Variants in ACOXL observed in about 807,000 individuals in gnomAD.
The protein encoded by ACOXL is acyl-coenzyme A oxidase-like protein.
ACOXL carries 70 observed loss-of-function variants against 71.9 expected under a neutral mutation model. The observed-to-expected ratio is 0.97, with a 90% CI of 0.80 to 1.19. ACOXL has a LOEUF of 1.19. Among genes scored for constraint, ACOXL ranks in the 50% most tolerant of loss-of-function variants. The pLI, the probability that ACOXL is intolerant of heterozygous loss-of-function variation, is 0.00. For synonymous variants in ACOXL, 253 were observed against 281.6 expected, an observed-to-expected ratio of 0.90 and a Z score of 1.02; for missense variants, 703 against 736.3, an observed-to-expected ratio of 0.95 and a Z score of 0.52.
chr2:110,786,780 T>G (rs1684012378), intron 3 of ACOXL, among the ~76,000 whole-genome samples: 1 of 152,182 alleles, frequency 6.6e-6, no homozygotes, highest in South Asian at 2.1e-4. Context: ...AAAGCAGACT[T>G]AAGAAGCATT....
Position 110,908,800 on chromosome 2 carries a change from T to C in ACOXL, c.800T>C (p.Phe267Ser), listed in dbSNP as rs762137495. 3 of 1,613,894 alleles carry C rather than the reference T, an allele frequency of 1.9e-6. No individual in the cohort carries two copies. The highest frequency in any genetic ancestry group is 2.7e-5 in the African/African-American group (2 of 74,914). Residue 267 changes from phenylalanine to serine, a missense_variant, in exon 11 of 18, where the codon TTT becomes TCT. Transcript: ENST00000439055. Reference sequence around the variant, plus strand: ...TTGATTCCCTCTAGCCGGAGGCAGTTTGGGCCCAAAACCAAGGAAGAGGTG... The same window carrying C: ...TTGATTCCCTCTAGCCGGAGGCAGTCTGGGCCCAAAACCAAGGAAGAGGTG... ...AIRYSHSRRQ[F>S]GPKTKEEVKI...
At chr2:110,869,175 T>C (rs547317832) in intron 10 of ACOXL, among the ~76,000 whole-genome samples, 1 of 152,294 alleles carries the variant, frequency 6.6e-6, no homozygotes, top group Admixed American at 6.5e-5. Context: ...AGCTAGGAGA[T>C]GGTAAGCTTC....
At chr2:110,780,720 A>G (rs1683212234) in intron 2 of ACOXL, among the ~76,000 whole-genome samples, 1 of 152,154 alleles carries the variant, frequency 6.6e-6, no homozygotes, top group African/African-American at 2.4e-5. Flanking sequence ...AAGCCAAACT[A>G]GTGGATGGTG....
chr2:111,107,887 A>G (rs1056177525), intron 17 of ACOXL, among the ~76,000 whole-genome samples: 2 of 152,154 alleles, frequency 1.3e-5, no homozygotes, highest in African/African-American at 2.4e-5. Context: ...TGGAACTTCA[A>G]TTTTTTGAGC....
In ACOXL at chr2:111,002,815, G is replaced by T. The variant is rs150196880; in HGVS notation, c.1281+6811G>T. Among the ~76,000 whole-genome samples the T allele has an allele frequency of 2.6e-3, 394 of 152,126 alleles. 9 individuals carry two copies. The East Asian group carries it at 0.049, about 19-fold the overall frequency. On this transcript the variant is annotated intron_variant, in intron 14 of 17. Coordinates refer to ENST00000439055, the MANE Select transcript of ACOXL (RefSeq NM_001142807.4). ...TGGGACAAGAAGTGTTTCCAATGCA[G>T]ATTTTTTCTGACTTTGGAATATTTG...
At chr2:110,848,848 C>T (rs1324123479) in intron 10 of ACOXL, among the ~76,000 whole-genome samples, 1 of 152,220 alleles carries the variant, frequency 6.6e-6, no homozygotes, top group African/African-American at 2.4e-5. Context: ...TGACCACGCC[C>T]CTCCCACTAA....
chr2:110,803,958 A>C (rs1450558168), intron 8 of ACOXL, among the ~76,000 whole-genome samples: 5 of 151,994 alleles, frequency 3.3e-5, no homozygotes, highest in African/African-American at 1.2e-4. Context: ...AACCACTGTG[A>C]ATACCACTCT....
intron 2 of ACOXL, among the ~76,000 whole-genome samples, chr2:110,783,210 C>T (rs960218244): frequency 9.9e-5 from 15 of 152,096 alleles, no homozygotes; most frequent in African/African-American, 2.9e-4. Flanking sequence ...GTTAGCCTCC[C>T]GTGTAGGGTT....
chr2:110,887,727 T>A (rs1697472695), intron 10 of ACOXL: 1 of 152,324 alleles, frequency 6.6e-6, no homozygotes, highest in Admixed American at 6.5e-5. Context: ...CCCAAAGTGC[T>A]AGGATTATAG....
chr2:111,007,018 A>G (rs1298822297), intron 14 of ACOXL, among the ~76,000 whole-genome samples: 2 of 152,180 alleles, frequency 1.3e-5, no homozygotes, highest in African/African-American at 4.8e-5. Flanking sequence ...GAATGGAAAG[A>G]AAAGAAGGAA....
chr2:111,048,844 A>T (rs1334127331), intron 15 of ACOXL, among the ~76,000 whole-genome samples: 3 of 152,130 alleles, frequency 2.0e-5, no homozygotes, highest in African/African-American at 7.2e-5. Flanking sequence ...TTAAATTAGC[A>T]CTGTCAAATT....
At chr2:110,743,311 T>C (rs1407780610) in intron 1 of ACOXL, among the ~76,000 whole-genome samples, 6 of 152,224 alleles carry the variant, frequency 3.9e-5, no homozygotes. Context: ...ATTTCCTATA[T>C]TTAAAAACAC....
At chr2:110,954,201 C>G (rs771176222) in intron 12 of ACOXL, among the ~76,000 whole-genome samples, 12 of 152,162 alleles carry the variant, frequency 7.9e-5, no homozygotes, top group Non-Finnish European at 1.6e-4. Flanking sequence ...ATTTGATTGG[C>G]ATTTACCTGT....
intron 12 of ACOXL, among the ~76,000 whole-genome samples, chr2:110,982,834 G>T (rs926973865): frequency 2.0e-5 from 3 of 152,190 alleles, no homozygotes; most frequent in Admixed American, 1.3e-4. Context: ...CAGCTTCATG[G>T]GGTGAGATTT....
chr2:110,982,201 G>T (rs1016810796), intron 12 of ACOXL, among the ~76,000 whole-genome samples: 2 of 151,952 alleles, frequency 1.3e-5, no homozygotes, highest in African/African-American at 4.8e-5. Flanking sequence ...CTGCGCCCAG[G>T]CTGGAGTGCA....
At chr2:110,758,999 T>C (rs1680042407) in intron 1 of ACOXL, among the ~76,000 whole-genome samples, 1 of 152,250 alleles carries the variant, frequency 6.6e-6, no homozygotes, top group Non-Finnish European at 1.5e-5. Context: ...GTGAATTTCT[T>C]AATCTTGAGT....
chr2:110,985,812 C>T (rs1460232148), intron 12 of ACOXL, among the ~76,000 whole-genome samples: 3 of 152,140 alleles, frequency 2.0e-5, no homozygotes, highest in Non-Finnish European at 4.4e-5. Flanking sequence ...TGACAGGACA[C>T]GGGGTATGGC....
chr2:110,821,937 GTGTGTGTGTGTGCA>G (rs1688651553), intron 9 of ACOXL, among the ~76,000 whole-genome samples: 1 of 152,106 alleles, frequency 6.6e-6, no homozygotes, highest in South Asian at 2.1e-4. Context: ...CTATCATTGT[GTGTGTGTGTGTGCA>G]TGTGAGTGTG....
intron 10 of ACOXL, among the ~76,000 whole-genome samples, chr2:110,844,141 A>C (rs1040011587): frequency 3.3e-5 from 5 of 152,228 alleles, no homozygotes; most frequent in African/African-American, 1.2e-4. Flanking sequence ...AGGGCTTTCT[A>C]GGCTTGGCTG....
Sources: gnomAD v4.1 joint callset for allele counts (sites outside exome capture counted in the v4.1 genomes callset) on GRCh38, gnomAD v4.1.1 for gene constraint, MANE v1.5 for transcripts, NCBI Gene and HGNC (gene_info 2026-07-23, HGNC 2026-07-21) for gene names.